Variants in HTATIP2 observed in about 807,000 individuals in gnomAD.
HTATIP2 encodes the protein protein HTATIP2.
In HTATIP2, 26 loss-of-function variants were observed where a neutral mutation model predicts 24.7. The ratio of observed to expected loss-of-function variants is 1.05; its 90% CI spans 0.77 to 1.46. HTATIP2 has a LOEUF of 1.46. Ranked by LOEUF, HTATIP2 falls within the 40% of genes most tolerant of loss-of-function variation. The probability of loss-of-function intolerance (pLI) is 0.00; values close to 1 mark genes in which losing one functional copy is unlikely to be tolerated. For missense variants in HTATIP2, 284 were observed against 289.6 expected (o/e 0.98, Z 0.14); for synonymous variants, 99 against 113.2 (o/e 0.87, Z 0.79).
Position 20,364,083 on chromosome 11 carries a change from G to T in HTATIP2, c.-155G>T. ...AGGTGCGGGCGATGGCCGGGGAGCC[G>T]CGCCCCGCACGTGACTCAGCACTTT... On this transcript the variant is annotated 5_prime_UTR_variant, in exon 1 of 5. Coordinates refer to ENST00000451739, the MANE Select transcript of HTATIP2 (RefSeq NM_001098522.2). 1 of 1,367,512 alleles carries T rather than the reference G, an allele frequency of 7.3e-7. No individual in the cohort carries two copies. The highest frequency in any genetic ancestry group is 9.4e-7 in the Non-Finnish European group (1 of 1,059,830). The allele number at this position is 1,367,512 out of a possible 1,614,324, so 84.7% of individuals were successfully genotyped here.
At chr11:20,371,581 G>A (rs1013455389) in intron 2 of HTATIP2, among the ~76,000 whole-genome samples, 5 of 151,696 alleles carry the variant, frequency 3.3e-5, no homozygotes, top group African/African-American at 4.9e-5. Flanking sequence ...ACAGGCATGC[G>A]CCACCATGGC....
chr11:20,366,353 C>T lies in HTATIP2; in HGVS notation c.196-821C>T, dbSNP rs149716864. 3.4e-3 allele frequency among the ~76,000 whole-genome samples: 520 copies of T among 151,956 alleles called. 3 individuals carry two copies. Among genetic ancestry groups the T allele is most frequent in the Admixed American group, 7.7e-3 (117 of 15,276 alleles). On this transcript the variant is annotated intron_variant, in intron 1 of 4. Transcript: ENST00000451739. Reference sequence around the variant, plus strand: ...ATCTCCTGACCTCGTGATCCACCCACCTCAGCCTCCCAAAGTGCTGGGATT... The same window carrying T: ...ATCTCCTGACCTCGTGATCCACCCATCTCAGCCTCCCAAAGTGCTGGGATT...
At chr11:20,378,085 C>T (rs1848470679) in intron 3 of HTATIP2, among the ~76,000 whole-genome samples, 1 of 151,970 alleles carries the variant, frequency 6.6e-6, no homozygotes, top group Admixed American at 6.6e-5. Context: ...ACTATTTTAC[C>T]AAACATCCTT....
At chr11:20,379,692 T>C (rs1848491994) in intron 3 of HTATIP2, among the ~76,000 whole-genome samples, 1 of 152,212 alleles carries the variant, frequency 6.6e-6, no homozygotes, top group South Asian at 2.1e-4. Flanking sequence ...CCTCATGTCC[T>C]CTGTTCTCAG....
chr11:20,370,923 A>C (rs578079344), intron 2 of HTATIP2, among the ~76,000 whole-genome samples: 2 of 152,238 alleles, frequency 1.3e-5, no homozygotes, highest in African/African-American at 2.4e-5. Flanking sequence ...TGCTGGGATT[A>C]CAGGCGTGAG....
At position 20,367,573 on chromosome 11, in the gene HTATIP2, C is replaced by T. The variant is rs1252169729; in HGVS notation, c.303+292C>T. On this transcript the variant is annotated intron_variant, in intron 2 of 4. Transcript: ENST00000451739. The stretch of plus-strand genomic sequence containing the variant: ...CACTACATCCCCTGACTAAGGGAAA[C>T]CATGATGTCTGAGTAAAACTAATTG... The T allele has an allele frequency of 5.7e-6, 8 of 1,392,690 alleles. No homozygotes were observed. The Admixed American group carries it at 2.0e-4, about 35-fold the overall frequency. 86.3% of individuals were successfully genotyped at this position (1,392,690 alleles called of 1,614,324 possible). A position where few individuals can be genotyped will look rare whatever the true frequency, so the allele number is the denominator to read the frequency against.
At position 20,379,056 on chromosome 11, in the gene HTATIP2, C is replaced by CA. The variant is rs1848483406; in HGVS notation, c.441+2342dup. 2.6e-4 allele frequency among the ~76,000 whole-genome samples: 6 copies of CA among 23,008 alleles called. No individual in the cohort carries two copies. The South Asian group carries it at 0.016, about 62-fold the overall frequency. 15.1% of individuals were successfully genotyped at this position (23,008 alleles called of 152,430 possible). On this transcript the variant is annotated intron_variant, in intron 3 of 4. Coordinates refer to ENST00000451739, the MANE Select transcript of HTATIP2 (RefSeq NM_001098522.2). ...GTCTCAAAAACAAAACAAAACAAAACAAACAACAACAACAACAACAACAAC... is the reference window on the plus strand; with the variant it reads ...GTCTCAAAAACAAAACAAAACAAAACAAAACAACAACAACAACAACAACAAC...
At position 20,363,736 on chromosome 11, in the gene HTATIP2, G is replaced by GAAGACC. The variant is rs2064658397; in HGVS notation, c.-498_-493dup. 1 of 1,232,952 alleles carries GAAGACC rather than the reference G, an allele frequency of 8.1e-7. No individual in the cohort carries two copies. The highest frequency in any genetic ancestry group is 4.2e-5 in the Admixed American group (1 of 23,586). The allele number at this position is 1,232,952 out of a possible 1,614,324, so 76.4% of individuals were successfully genotyped here. ...GGCAGCGTCGCCGCGAGGCCACCCG[G>GAAGACC]AAGACCAAGCCGGGTAGGCGCTGTC... On this transcript the variant is annotated 5_prime_UTR_variant, in exon 1 of 5. Coordinates refer to ENST00000451739, the MANE Select transcript of HTATIP2 (RefSeq NM_001098522.2).
chr11:20,367,581 T>G, intron 2 of HTATIP2: 1 of 1,390,584 alleles, frequency 7.2e-7, no homozygotes, highest in Non-Finnish European at 9.3e-7. Flanking sequence ...AACCATGATG[T>G]CTGAGTAAAA....
Position 20,383,381 on chromosome 11 carries a change from T to C in HTATIP2, c.*176T>C. ...CAGTGGTTCAGAGCCTGGTTATACA[T>C]ATAGATCACTCAGGGAGCTTTGGAA... On this transcript the variant is annotated 3_prime_UTR_variant, in exon 5 of 5. Transcript: ENST00000451739. 1 of 588,096 alleles carries C rather than the reference T, an allele frequency of 1.7e-6. No individual in the cohort carries two copies. Among genetic ancestry groups the C allele is most frequent in the Non-Finnish European group, 3.0e-6 (1 of 333,560 alleles). The allele number at this position is 588,096 out of a possible 1,614,324, so 36.4% of individuals were successfully genotyped here.
intron 2 of HTATIP2, among the ~76,000 whole-genome samples, chr11:20,368,456 T>C (rs143415969): frequency 0.014 from 2,160 of 152,320 alleles, 56 homozygotes; most frequent in African/African-American, 0.049. Flanking sequence ...ATTGGAGCTC[T>C]GTGATGGGAA....
intron 3 of HTATIP2, among the ~76,000 whole-genome samples, chr11:20,377,469 T>C (rs1848463149): frequency 6.6e-6 from 1 of 152,268 alleles, no homozygotes; most frequent in African/African-American, 2.4e-5. Flanking sequence ...TCCCTGTTTA[T>C]TTTAATTTAA....
At chr11:20,376,247 CA>C (rs35603954) in intron 2 of HTATIP2, 200 of 220,412 alleles carry the variant, frequency 9.1e-4, no homozygotes, top group East Asian at 4.5e-3. Context: ...GTTATTAAGA[CA>C]AAAAAAAAAG....
intron 1 of HTATIP2, 22 bp from the exon 2 acceptor site, chr11:20,367,152 A>T (rs369666720): frequency 2.5e-6 from 4 of 1,613,094 alleles, no homozygotes. Flanking sequence ...ATGAAACTAC[A>T]TACAACTGTG....
At chr11:20,364,988 T>C (rs549709255) in intron 1 of HTATIP2, among the ~76,000 whole-genome samples, 2 of 151,430 alleles carry the variant, frequency 1.3e-5, no homozygotes, top group African/African-American at 4.9e-5. Flanking sequence ...AAAGGTTTTT[T>C]TTTTTTTTTT....
At chr11:20,373,851 G>A (rs1196418124) in intron 2 of HTATIP2, among the ~76,000 whole-genome samples, 1 of 152,180 alleles carries the variant, frequency 6.6e-6, no homozygotes, top group Non-Finnish European at 1.5e-5. Flanking sequence ...CTTCTCTCAG[G>A]ATGTGCTGAG....
intron 1 of HTATIP2, among the ~76,000 whole-genome samples, chr11:20,365,318 A>G (rs1333482694): frequency 6.6e-6 from 1 of 152,192 alleles, no homozygotes; most frequent in Non-Finnish European, 1.5e-5. Context: ...TATAGGAATG[A>G]TATACCAGAC....
At chr11:20,380,369 TCTTTTA>T in intron 3 of HTATIP2, among the ~76,000 whole-genome samples, 1 of 152,212 alleles carries the variant, frequency 6.6e-6, no homozygotes, top group South Asian at 2.1e-4. Flanking sequence ...ACAAAACAAA[TCTTTTA>T]AAAAGCTAAG....
chr11:20,378,701 TTTTATGTGC>T (rs1240241294), intron 3 of HTATIP2, among the ~76,000 whole-genome samples: 1 of 152,190 alleles, frequency 6.6e-6, no homozygotes, highest in African/African-American at 2.4e-5. Context: ...TTCTGAGGGC[TTTTATGTGC>T]ATTTGCGTGG....
Sources: allele counts gnomAD v4.1 joint callset (sites outside exome capture counted in the v4.1 genomes callset), GRCh38; gene constraint gnomAD v4.1.1; transcripts MANE v1.5; gene names NCBI Gene and HGNC (gene_info 2026-07-23, HGNC 2026-07-21).